The following SPHKAP variants were observed in gnomAD, a reference collection of about 807,000 sequenced individuals.
The protein encoded by SPHKAP is SPHK1 interactor, AKAP domain containing, also known as A-kinase anchor protein SPHKAP.
Under a neutral mutation model 137.5 loss-of-function variants are expected in SPHKAP, and 67 were observed. The observed-to-expected ratio is 0.49, with a 90% confidence interval of 0.40 to 0.60. SPHKAP has a LOEUF of 0.60. Among genes scored for constraint, SPHKAP ranks in the 20% least tolerant of loss-of-function variants. The pLI, the probability that SPHKAP is intolerant of heterozygous loss-of-function variation, is 0.00. For synonymous variants in SPHKAP, 813 were observed against 785.3 expected (o/e 1.04, Z -0.59); for missense variants, 2,097 against 2,069.3 (o/e 1.01, Z -0.26).
Position 228,017,177 on chromosome 2 carries a change from G to A in SPHKAP, c.3677C>T (p.Pro1226Leu), listed in dbSNP as rs148970079. The A allele has an allele frequency of 3.4e-5, 55 of 1,613,994 alleles. No homozygotes were observed. The African/African-American group carries it at 5.3e-4, about 16-fold the overall frequency. ...GTGGCACACTGGGGATCGCAGAGAA[G>A]GAGACAGCAGGCCGGCTGTCCAATC... ...SQDWTAGLLS[P>L]SLRSPVCHRQ... The change falls in exon 7 of 12, where the codon CCT (proline) becomes CTT (leucine). Residue 1226 changes from proline to leucine, a missense_variant. Pro to Leu is a moderately conservative substitution (Grantham distance 98, BLOSUM62 -3). Transcript: ENST00000392056.
At chr2:228,135,370 A>G (rs1352093539) in intron 1 of SPHKAP, among the ~76,000 whole-genome samples, 1 of 152,164 alleles carries the variant, frequency 6.6e-6, no homozygotes, top group Non-Finnish European at 1.5e-5. Context: ...GGTTAGGTCC[A>G]AAATTGGGGT....
chr2:228,016,981 G>A lies in SPHKAP; in HGVS notation c.3873C>T (p.Cys1291=). ...GGTCAGTCCCACCTCTCCGATACAA[G>A]CAAGAGTCAGATTTGCAGAGACCGG... is the stretch of plus-strand genomic sequence containing the variant. The part of the protein sequence containing the change: ...SSSGLCKSDS[C]LYRRGGTDHI... The change falls in exon 7 of 12, where the codon TGC becomes TGT. Residue 1291 remains cysteine (C), a synonymous_variant. Coordinates refer to ENST00000392056, the MANE Select transcript of SPHKAP (RefSeq NM_001142644.2). The A allele has an allele frequency of 3.7e-6, 6 of 1,614,158 alleles. No individual in the cohort carries two copies. Among genetic ancestry groups the A allele is most frequent in the Middle Eastern group, 1.6e-4 (1 of 6,062 alleles).
chr2:227,992,171 A>T (rs1458802489), intron 9 of SPHKAP, among the ~76,000 whole-genome samples: 1 of 152,254 alleles, frequency 6.6e-6, no homozygotes, highest in African/African-American at 2.4e-5. Flanking sequence ...ATTAGAGTAC[A>T]GGAGCCCTCA....
chr2:228,000,491 G>A (rs12694761), intron 7 of SPHKAP, among the ~76,000 whole-genome samples: 79,768 of 151,696 alleles, frequency 0.53, 21,313 homozygotes, highest in South Asian at 0.67. Flanking sequence ...GGTGGTGGGC[G>A]CCTGTAGTCC....
chr2:228,146,590 T>C (rs770211292), intron 1 of SPHKAP, among the ~76,000 whole-genome samples: 86 of 152,306 alleles, frequency 5.6e-4, no homozygotes, highest in African/African-American at 1.6e-3. Flanking sequence ...ATTAACACCA[T>C]TGGCTGTTGT....
At chr2:228,121,419 G>A (rs1297245856) in intron 2 of SPHKAP, among the ~76,000 whole-genome samples, 1 of 152,210 alleles carries the variant, frequency 6.6e-6, no homozygotes, top group African/African-American at 2.4e-5. Context: ...AGGAGGCTGA[G>A]GTGGGAGGAT....
At chr2:228,154,481 A>ACACT (rs1200367890) in intron 1 of SPHKAP, among the ~76,000 whole-genome samples, 1 of 47,190 alleles carries the variant, frequency 2.1e-5, no homozygotes, top group African/African-American at 8.9e-5. Flanking sequence ...TTGTAAATAA[A>ACACT]CTCTCTCTCT....
intron 11 of SPHKAP, among the ~76,000 whole-genome samples, chr2:227,989,778 GT>G (rs33974192): frequency 0.33 from 46,509 of 140,790 alleles, 7,540 homozygotes; most frequent in African/African-American, 0.4. Flanking sequence ...GCTAATTTTT[GT>G]TTTTTTTTTT....
chr2:228,019,885 A>G lies in SPHKAP; in HGVS notation c.969T>C (p.Tyr323=). 1 of 1,614,232 alleles carries G rather than the reference A, an allele frequency of 6.2e-7. No individual in the cohort carries two copies. The change falls in exon 7 of 12, where the codon TAT becomes TAC. Residue 323 remains tyrosine, a synonymous_variant. Coordinates refer to ENST00000392056, the MANE Select transcript of SPHKAP (RefSeq NM_001142644.2). ...VGNGRQATHY[Y]HSEAFKGQME... is the part of the protein sequence containing the mutation. The stretch of plus-strand genomic sequence containing the variant: ...TTTGACCTTTAAAAGCTTCTGAATG[A>G]TAATAATGTGTGGCTTGTCTCCCAT...
intron 1 of SPHKAP, among the ~76,000 whole-genome samples, chr2:228,158,326 C>CTTTT (rs55897294): frequency 0.048 from 6,330 of 133,000 alleles, 221 homozygotes; most frequent in Middle Eastern, 0.11. Flanking sequence ...TTACTTCTTT[C>CTTTT]TTTTTTTTTT....
intron 3 of SPHKAP, among the ~76,000 whole-genome samples, chr2:228,028,684 G>A (rs1695157739): frequency 6.6e-6 from 1 of 152,198 alleles, no homozygotes; most frequent in African/African-American, 2.4e-5. Context: ...TTATAGCCTA[G>A]GAGTAATAGG....
At chr2:228,179,914 T>C (rs905035858) in intron 1 of SPHKAP, among the ~76,000 whole-genome samples, 9 of 152,194 alleles carry the variant, frequency 5.9e-5, no homozygotes, top group Non-Finnish European at 1.2e-4. Context: ...CAATCTGTTA[T>C]CAAAAATCTC....
At chr2:228,093,980 T>A (rs1697902354) in intron 3 of SPHKAP, among the ~76,000 whole-genome samples, 1 of 152,026 alleles carries the variant, frequency 6.6e-6, no homozygotes, top group African/African-American at 2.4e-5. Flanking sequence ...GTGGAGTTTC[T>A]TTTGAGGTAA....
rs559372262 is a variant in SPHKAP, at chr2:228,143,841, G to A, written c.33-11756C>T. Among the ~76,000 whole-genome samples the A allele has an allele frequency of 2.6e-5, 4 of 152,112 alleles. No individual in the cohort carries two copies. The East Asian group carries it at 7.7e-4, about 29-fold the overall frequency. On this transcript the variant is annotated intron_variant, in intron 1 of 11. Transcript: ENST00000392056. ...TTTCCGTTCTTAAGATCTTGCAGGA[G>A]CTCTGCATTTTATTTCAAGCAAAAT...
At chr2:228,092,506 A>G (rs923959405) in intron 3 of SPHKAP, among the ~76,000 whole-genome samples, 2 of 41,956 alleles carry the variant, frequency 4.8e-5, no homozygotes, top group African/African-American at 1.8e-4. Context: ...ATATATGTAT[A>G]CATATATGTG....
At chr2:228,145,037 G>A (rs938834555) in intron 1 of SPHKAP, among the ~76,000 whole-genome samples, 13 of 152,166 alleles carry the variant, frequency 8.5e-5, no homozygotes, top group African/African-American at 2.9e-4. Context: ...GCTGTCAAAT[G>A]ATTTCTAGTT....
chr2:228,159,472 C>T (rs542050459), intron 1 of SPHKAP, among the ~76,000 whole-genome samples: 2 of 152,160 alleles, frequency 1.3e-5, no homozygotes. Flanking sequence ...GGCTCCTACC[C>T]TCCCACAGAA....
intron 3 of SPHKAP, among the ~76,000 whole-genome samples, chr2:228,050,928 T>C (rs1696233389): frequency 6.6e-6 from 1 of 152,172 alleles, no homozygotes; most frequent in Non-Finnish European, 1.5e-5. Flanking sequence ...CACCTTAGCC[T>C]CCTCAGTAGC....
intron 1 of SPHKAP, among the ~76,000 whole-genome samples, chr2:228,156,863 CT>C (rs1198956933): frequency 5.3e-5 from 8 of 152,150 alleles, no homozygotes; most frequent in African/African-American, 1.9e-4. Context: ...TCTTTGCCTT[CT>C]GCCATGATTG....
Sources: gnomAD v4.1 joint callset for allele counts (sites outside exome capture counted in the v4.1 genomes callset) on GRCh38, gnomAD v4.1.1 for gene constraint, MANE v1.5 for transcripts, NCBI Gene and HGNC (gene_info 2026-07-23, HGNC 2026-07-21) for gene names.